The following KSR2 variants were observed in gnomAD, a reference collection of about 807,000 sequenced individuals.
KSR2 encodes kinase suppressor of ras 2.
In KSR2, 25 loss-of-function variants were observed where a neutral mutation model predicts 107.8. The observed-to-expected ratio is 0.23, with a 90% CI of 0.17 to 0.32. KSR2 has a LOEUF of 0.32. Ranked by LOEUF, KSR2 falls within the 10% of genes least tolerant of loss-of-function variation. KSR2 has a pLI of 1.00. For synonymous variants in KSR2, 480 were observed against 507.0 expected (o/e 0.95, Z 0.71); for missense variants, 887 against 1,268.9 (o/e 0.70, Z 4.57).
chr12:117,487,655 T>TA (rs937046312), intron 14 of KSR2, among the ~76,000 whole-genome samples: 8 of 152,012 alleles, frequency 5.3e-5, no homozygotes, highest in African/African-American at 1.9e-4. Flanking sequence ...TCCCAGAAAA[T>TA]ACCCTCCCCA....
intron 5 of KSR2, among the ~76,000 whole-genome samples, chr12:117,620,341 T>C (rs1200920966): frequency 1.3e-5 from 2 of 152,176 alleles, no homozygotes; most frequent in Non-Finnish European, 2.9e-5. Context: ...ATACAGGAGT[T>C]ATTTGTTAAA....
intron 4 of KSR2, among the ~76,000 whole-genome samples, chr12:117,668,747 T>C (rs1181030747): frequency 1.3e-5 from 2 of 152,158 alleles, no homozygotes; most frequent in South Asian, 4.1e-4. Flanking sequence ...ATTATTATAT[T>C]ATGGATATCT....
chr12:117,935,895 C>T (rs534988209), intron 1 of KSR2, among the ~76,000 whole-genome samples: 1 of 152,220 alleles, frequency 6.6e-6, no homozygotes, highest in African/African-American at 2.4e-5. Flanking sequence ...CTTTTCCCCC[C>T]AGAGGTCCCC....
intron 1 of KSR2, among the ~76,000 whole-genome samples, chr12:117,860,779 C>A (rs1893264130): frequency 6.6e-6 from 1 of 152,240 alleles, no homozygotes; most frequent in East Asian, 1.9e-4. Flanking sequence ...AGTGCAATGG[C>A]GTGATCTCTG....
chr12:117,792,242 G>C (rs1356750103), intron 3 of KSR2, among the ~76,000 whole-genome samples: 1 of 152,026 alleles, frequency 6.6e-6, no homozygotes, highest in East Asian at 1.9e-4. Flanking sequence ...CCAGCTACTC[G>C]AGGGGGCTGA....
chr12:117,726,795 T>C (rs1887441611), intron 4 of KSR2, among the ~76,000 whole-genome samples: 1 of 152,194 alleles, frequency 6.6e-6, no homozygotes, highest in African/African-American at 2.4e-5. Flanking sequence ...GGGATTCTCC[T>C]AGTAGCTATT....
chr12:117,643,069 G>A (rs1305937375), intron 5 of KSR2, among the ~76,000 whole-genome samples: 5 of 152,154 alleles, frequency 3.3e-5, no homozygotes, highest in Non-Finnish European at 7.4e-5. Context: ...TTCTGACTTG[G>A]ATTTTATGCA....
intron 1 of KSR2, among the ~76,000 whole-genome samples, chr12:117,928,080 T>C (rs910522910): frequency 8.5e-5 from 13 of 152,200 alleles, no homozygotes; most frequent in African/African-American, 2.9e-4. Flanking sequence ...ATTGAAATCA[T>C]ACAGTATTTG....
intron 3 of KSR2, among the ~76,000 whole-genome samples, chr12:117,775,333 T>C (rs942313266): frequency 1.3e-5 from 2 of 152,222 alleles, no homozygotes; most frequent in Non-Finnish European, 2.9e-5. Flanking sequence ...GTTTTTGTTG[T>C]TTATCATCAT....
At chr12:117,814,677 C>T (rs1891310308) in intron 3 of KSR2, among the ~76,000 whole-genome samples, 1 of 152,124 alleles carries the variant, frequency 6.6e-6, no homozygotes, top group Admixed American at 6.5e-5. Flanking sequence ...AGAGAGCACT[C>T]GGGAGGCGTC....
chr12:117,481,408 T>C (rs572793289), intron 16 of KSR2, among the ~76,000 whole-genome samples: 27 of 152,238 alleles, frequency 1.8e-4, no homozygotes, highest in African/African-American at 4.6e-4. Context: ...GGTGTTCTTA[T>C]AAGAAGAGGA....
intron 3 of KSR2, among the ~76,000 whole-genome samples, chr12:117,811,005 T>A (rs1196330217): frequency 6.6e-6 from 1 of 152,138 alleles, no homozygotes; most frequent in Non-Finnish European, 1.5e-5. Context: ...AATTGATGAG[T>A]CTTTATCAAT....
intron 1 of KSR2, among the ~76,000 whole-genome samples, chr12:117,910,053 C>G (rs561316893): frequency 6.6e-6 from 1 of 152,062 alleles, no homozygotes; most frequent in East Asian, 1.9e-4. Flanking sequence ...CATAGGGAAA[C>G]CCTGTCTCTG....
intron 4 of KSR2, among the ~76,000 whole-genome samples, chr12:117,686,972 G>GGGCTGGCT (rs1265347522): frequency 6.6e-6 from 1 of 152,108 alleles, no homozygotes; most frequent in Non-Finnish European, 1.5e-5. Flanking sequence ...TGGGGCTGGC[G>GGGCTGGCT]GGCTGGCTGG....
rs1462655568 is a variant in KSR2, at chr12:117,897,137, C to G, written c.181-36706G>C. On this transcript the variant is annotated intron_variant, in intron 1 of 19. Transcript: ENST00000339824. The surrounding 1 kb of genome is among the most constrained non-coding windows in gnomAD (Gnocchi z 4.5). ...TCAGCTTGAGGGAGTAGCGGAGCAGCCACGTGTTCGTCATCAGGAATTATT... is the reference window on the plus strand; with the variant it reads ...TCAGCTTGAGGGAGTAGCGGAGCAGGCACGTGTTCGTCATCAGGAATTATT... Among the ~76,000 whole-genome samples, 1 of 152,170 alleles carries G rather than the reference C, an allele frequency of 6.6e-6. No individual in the cohort carries two copies. The highest frequency in any genetic ancestry group is 1.5e-5 in the Non-Finnish European group (1 of 68,028).
At chr12:117,958,338 C>G (rs1896572335) in intron 1 of KSR2, among the ~76,000 whole-genome samples, 1 of 152,130 alleles carries the variant, frequency 6.6e-6, no homozygotes, top group South Asian at 2.1e-4. Flanking sequence ...TGAACCCTTT[C>G]CAACACTGCT....
chr12:117,568,642 G>A (rs1400215281), intron 7 of KSR2, among the ~76,000 whole-genome samples: 1 of 152,084 alleles, frequency 6.6e-6, no homozygotes, highest in African/African-American at 2.4e-5. Context: ...GTTGTGGCAA[G>A]GATTAAATGA....
intron 1 of KSR2, among the ~76,000 whole-genome samples, chr12:117,941,730 G>T (rs1593389083): frequency 7.6e-6 from 1 of 130,762 alleles, no homozygotes; most frequent in Non-Finnish European, 1.5e-5. Flanking sequence ...TGATTCAAAT[G>T]ATTCTCGTGC....
chr12:117,581,926 A>T (rs1374711680), intron 6 of KSR2, among the ~76,000 whole-genome samples: 1 of 152,002 alleles, frequency 6.6e-6, no homozygotes, highest in African/African-American at 2.4e-5. Flanking sequence ...TTTAATCTGC[A>T]CAGTCACCCT....
Sources: allele counts gnomAD v4.1 joint callset (sites outside exome capture counted in the v4.1 genomes callset), GRCh38; gene constraint gnomAD v4.1.1; non-coding constraint Gnocchi (gnomAD v3.1); transcripts MANE v1.5; gene names NCBI Gene and HGNC (gene_info 2026-07-23, HGNC 2026-07-21).